Variants in HERC4 observed in about 807,000 individuals in gnomAD.
The protein encoded by HERC4 is HECT and RLD domain containing E3 ubiquitin protein ligase 4, also known as probable E3 ubiquitin-protein ligase HERC4.
Under a neutral mutation model 124.3 loss-of-function variants are expected in HERC4, and 28 were observed. That is an observed-to-expected ratio of 0.23 (90% CI 0.17 to 0.31). HERC4 has a LOEUF of 0.31. Ranked by LOEUF, HERC4 falls within the 10% of genes least tolerant of loss-of-function variation. The pLI is 1.00. For synonymous variants in HERC4, 407 were observed against 421.5 expected, an observed-to-expected ratio of 0.97 and a Z score of 0.42; for missense variants, 713 against 1,229.3, an observed-to-expected ratio of 0.58 and a Z score of 6.28.
At chr10:68,038,692 T>C (rs948822250) in intron 4 of HERC4, among the ~76,000 whole-genome samples, 2 of 152,232 alleles carry the variant, frequency 1.3e-5, no homozygotes, top group Non-Finnish European at 2.9e-5. Context: ...GCTATCCTTT[T>C]GCTTTACGTC....
intron 4 of HERC4, among the ~76,000 whole-genome samples, chr10:68,043,580 G>A (rs919608102): frequency 1.2e-4 from 19 of 152,090 alleles, no homozygotes; most frequent in African/African-American, 4.1e-4. Context: ...ACTTTGGGAG[G>A]CCAAAGTGGG....
At chr10:67,949,831 A>C (rs1251670345) in intron 19 of HERC4, among the ~76,000 whole-genome samples, 1 of 152,144 alleles carries the variant, frequency 6.6e-6, no homozygotes, top group Non-Finnish European at 1.5e-5. Flanking sequence ...CAGCCTGGCC[A>C]ACATGGTGAA....
At chr10:67,924,109 G>A (rs985360676) in intron 24 of HERC4, among the ~76,000 whole-genome samples, 7 of 152,082 alleles carry the variant, frequency 4.6e-5, no homozygotes, top group Non-Finnish European at 8.8e-5. Context: ...TTGGCCCTCC[G>A]TATCTGTGAG....
chr10:68,004,353 T>G (rs1446639798), intron 9 of HERC4, among the ~76,000 whole-genome samples: 1 of 152,204 alleles, frequency 6.6e-6, no homozygotes, highest in Non-Finnish European at 1.5e-5. Context: ...GTGAGTTGTT[T>G]CTTCACTTTC....
rs1373100579 is a variant in HERC4 at position 68,037,513 on chromosome 10, G to A, written c.463+580C>T. On this transcript the variant is annotated intron_variant, in intron 5 of 24. Coordinates refer to ENST00000373700, the MANE Select transcript of HERC4 (RefSeq NM_015601.4). The stretch of plus-strand genomic sequence containing the variant: ...CTGGTAAGAGAGGAATGCAAACAAA[G>A]CTAATAAATATGATGTTTAGCCTTC... 2.0e-5 allele frequency among the ~76,000 whole-genome samples: 3 copies of A among 152,160 alleles called. No individual in the cohort carries two copies. In the East Asian group the frequency reaches 5.8e-4, roughly 29 times the overall value.
intron 20 of HERC4, 83 bp from the exon 21 acceptor site, chr10:67,939,737 T>TAC: frequency 1.8e-6 from 1 of 563,876 alleles, no homozygotes; most frequent in South Asian, 3.6e-5. Flanking sequence ...TATATATATA[T>TAC]ATACTTCTCA....
intron 9 of HERC4, among the ~76,000 whole-genome samples, chr10:67,999,436 T>G (rs1417094348): frequency 2.0e-5 from 3 of 152,192 alleles, no homozygotes; most frequent in African/African-American, 7.2e-5. Context: ...AGTTTGTGTT[T>G]TCAACAAAGG....
chr10:68,061,676 C>G (rs536948701), intron 3 of HERC4, among the ~76,000 whole-genome samples: 1 of 150,574 alleles, frequency 6.6e-6, no homozygotes, highest in Non-Finnish European at 1.5e-5. Flanking sequence ...GTCAGGAGTT[C>G]GAGACCAGCC....
At chr10:68,004,296 T>C (rs1288159079) in intron 9 of HERC4, among the ~76,000 whole-genome samples, 3 of 152,240 alleles carry the variant, frequency 2.0e-5, no homozygotes. Context: ...ATTCTGGTTA[T>C]TAATTCCTTA....
chr10:68,011,245 T>C (rs1259189771), intron 9 of HERC4, among the ~76,000 whole-genome samples: 1 of 152,158 alleles, frequency 6.6e-6, no homozygotes, highest in Non-Finnish European at 1.5e-5. Flanking sequence ...AGAGACAGTG[T>C]CTCACTACAT....
At position 68,000,027 on chromosome 10, in the gene HERC4, T is replaced by G. The variant is rs190305910; in HGVS notation, c.1070-7345A>C. 4.8e-4 allele frequency among the ~76,000 whole-genome samples: 73 copies of G among 151,912 alleles called. No individual in the cohort carries two copies. In the Middle Eastern group the frequency reaches 0.014, roughly 28 times the overall value. ...ACTTAATCCGGTATGACAAGTCACT[T>G]TTTTTTCTTTTGTAGAGACAGGGTC... On this transcript the variant is annotated intron_variant, in intron 9 of 24. Transcript: ENST00000373700.
intron 3 of HERC4, among the ~76,000 whole-genome samples, chr10:68,050,708 A>G (rs2040252066): frequency 6.6e-6 from 1 of 152,234 alleles, no homozygotes; most frequent in Admixed American, 6.5e-5. Flanking sequence ...ATCAAAGTGA[A>G]TAATCTCAAC....
At chr10:67,967,417 T>C (rs2034955268) in intron 15 of HERC4, among the ~76,000 whole-genome samples, 1 of 152,156 alleles carries the variant, frequency 6.6e-6, no homozygotes, top group South Asian at 2.1e-4. Flanking sequence ...CTAGATACTA[T>C]AAAGACTTAT....
intron 2 of HERC4, among the ~76,000 whole-genome samples, chr10:68,073,432 G>C (rs993978666): frequency 1.3e-5 from 2 of 152,114 alleles, no homozygotes; most frequent in African/African-American, 4.8e-5. Context: ...ATATTAACTA[G>C]TTTTGACTTC....
chr10:67,958,492 T>C (rs1316121726), intron 16 of HERC4, among the ~76,000 whole-genome samples: 1 of 152,180 alleles, frequency 6.6e-6, no homozygotes, highest in Non-Finnish European at 1.5e-5. Context: ...TTGGTTCAAG[T>C]GCTGGGAAAA....
At chr10:68,025,212 G>T (rs928096059) in intron 8 of HERC4, among the ~76,000 whole-genome samples, 5 of 151,792 alleles carry the variant, frequency 3.3e-5, no homozygotes, top group African/African-American at 4.8e-5. Context: ...GACAGAGCAA[G>T]ACTCTATCAC....
chr10:68,058,210 A>C (rs1414711124), intron 3 of HERC4, among the ~76,000 whole-genome samples: 3 of 152,192 alleles, frequency 2.0e-5, no homozygotes, highest in Admixed American at 2.0e-4. Context: ...TACCATAAAC[A>C]AATAATTTTT....
chr10:68,047,747 T>C (rs1486663022), intron 3 of HERC4, among the ~76,000 whole-genome samples: 1 of 152,194 alleles, frequency 6.6e-6, no homozygotes, highest in East Asian at 1.9e-4. Context: ...ATGTCAAGGA[T>C]GTGAAGCAAC....
chr10:68,011,058 T>A (rs1037486230), intron 9 of HERC4, among the ~76,000 whole-genome samples: 15 of 152,224 alleles, frequency 9.9e-5, no homozygotes, highest in African/African-American at 3.6e-4. Flanking sequence ...ATTGTTGGTA[T>A]TTTGACTTCC....
Sources: gnomAD v4.1 joint callset for allele counts (sites outside exome capture counted in the v4.1 genomes callset) on GRCh38, gnomAD v4.1.1 for gene constraint, MANE v1.5 for transcripts, NCBI Gene and HGNC (gene_info 2026-07-23, HGNC 2026-07-21) for gene names.